The following HMGN3 variants were observed in gnomAD, a reference collection of about 807,000 sequenced individuals.
The protein encoded by HMGN3 is high mobility group nucleosome-binding domain-containing protein 3.
Under a neutral mutation model 18.8 loss-of-function variants are expected in HMGN3, and 6 were observed. The observed-to-expected ratio is 0.32, with a 90% CI of 0.18 to 0.63. The LOEUF is 0.63. Ranked by LOEUF, HMGN3 falls within the 30% of genes least tolerant of loss-of-function variation. The probability of loss-of-function intolerance (pLI) is 0.79; values close to 1 mark genes in which losing one functional copy is unlikely to be tolerated. For missense variants in HMGN3, 107 were observed against 114.2 expected, an observed-to-expected ratio of 0.94 and a Z score of 0.29; for synonymous variants, 40 against 36.5, an observed-to-expected ratio of 1.10 and a Z score of -0.35.
intron 1 of HMGN3, among the ~76,000 whole-genome samples, chr6:79,220,189 T>C (rs1777203390): frequency 6.6e-6 from 1 of 152,160 alleles, no homozygotes; most frequent in South Asian, 2.1e-4. Context: ...AAAATAAAAT[T>C]TAAAGTTACC....
intron 5 of HMGN3, chr6:79,202,108 G>A: frequency 6.5e-7 from 1 of 1,541,730 alleles, no homozygotes; most frequent in Non-Finnish European, 8.7e-7. Context: ...TGCTGGGTGG[G>A]GTGCCTCTGG....
intron 1 of HMGN3, among the ~76,000 whole-genome samples, chr6:79,218,782 CGTAT>C (rs778061585): frequency 6.6e-6 from 1 of 151,966 alleles, no homozygotes; most frequent in East Asian, 1.9e-4. Context: ...ATACTACATA[CGTAT>C]GTATGTTTTA....
intron 3 of HMGN3, among the ~76,000 whole-genome samples, chr6:79,205,749 A>C (rs528425946): frequency 2.0e-5 from 3 of 152,220 alleles, no homozygotes; most frequent in Non-Finnish European, 4.4e-5. Context: ...GAGCGCTCAG[A>C]AGAAGACAAG....
chr6:79,234,504 A>T, intron 1 of HMGN3, 42 bp downstream of exon 1: 1 of 1,600,822 alleles, frequency 6.2e-7, no homozygotes, highest in Non-Finnish European at 8.6e-7. Context: ...TACTGTAAGC[A>T]GAATTTGAAG....
intron 2 of HMGN3, among the ~76,000 whole-genome samples, chr6:79,211,798 G>A (rs577218071): frequency 1.9e-4 from 29 of 152,218 alleles, no homozygotes; most frequent in African/African-American, 7.0e-4. Context: ...TATTCTGAAA[G>A]ACATGAAATC....
chr6:79,217,810 C>G (rs754891653), intron 1 of HMGN3, among the ~76,000 whole-genome samples: 1 of 152,010 alleles, frequency 6.6e-6, no homozygotes, highest in African/African-American at 2.4e-5. Flanking sequence ...CAAGGGATTG[C>G]GAAGAATAAA....
chr6:79,228,366 A>G (rs959447257), intron 1 of HMGN3, among the ~76,000 whole-genome samples: 6 of 152,224 alleles, frequency 3.9e-5, no homozygotes, highest in Non-Finnish European at 8.8e-5. Flanking sequence ...GAATAATTAA[A>G]TGTACAGCCC....
chr6:79,229,662 G>C (rs1365078285), intron 1 of HMGN3, among the ~76,000 whole-genome samples: 2 of 152,164 alleles, frequency 1.3e-5, no homozygotes, highest in African/African-American at 2.4e-5. Context: ...CGGATCACGA[G>C]GTCAGGAGAT....
At chr6:79,234,383 G>GAT (rs2127847492) in intron 1 of HMGN3, 163 bp downstream of exon 1, 1 of 666,646 alleles carries the variant, frequency 1.5e-6, no homozygotes. Flanking sequence ...GGGGGACAGA[G>GAT]AGAGGAACGT....
intron 1 of HMGN3, among the ~76,000 whole-genome samples, chr6:79,217,863 G>C (rs191196903): frequency 4.6e-5 from 7 of 152,278 alleles, no homozygotes; most frequent in African/African-American, 1.7e-4. Flanking sequence ...GTGGATATAG[G>C]GGATCTCAGA....
chr6:79,214,855 T>A, intron 2 of HMGN3, 117 bp downstream of exon 2: 1 of 663,196 alleles, frequency 1.5e-6, no homozygotes, highest in South Asian at 1.8e-5. Flanking sequence ...ACCTTGATCA[T>A]TCATATTAAA....
intron 3 of HMGN3, among the ~76,000 whole-genome samples, chr6:79,207,312 G>A (rs142041099): frequency 6.6e-6 from 1 of 152,296 alleles, no homozygotes; most frequent in East Asian, 1.9e-4. Flanking sequence ...TGTGTCATGG[G>A]AGGAACCTGG....
At chr6:79,214,085 T>C (rs1256006341) in intron 2 of HMGN3, among the ~76,000 whole-genome samples, 1 of 152,210 alleles carries the variant, frequency 6.6e-6, no homozygotes, top group Non-Finnish European at 1.5e-5. Context: ...TTTCTGAATT[T>C]TAAAACAAAA....
chr6:79,212,253 C>G (rs928354458), intron 2 of HMGN3, among the ~76,000 whole-genome samples: 5 of 152,282 alleles, frequency 3.3e-5, no homozygotes, highest in Non-Finnish European at 2.9e-5. Flanking sequence ...CTGCTATTTA[C>G]AAGTTCTAAC....
At chr6:79,208,143 T>C (rs914794931) in intron 3 of HMGN3, among the ~76,000 whole-genome samples, 7 of 152,188 alleles carry the variant, frequency 4.6e-5, no homozygotes, top group African/African-American at 1.7e-4. Flanking sequence ...GGCTACAGTA[T>C]ATGGACTCAG....
In HMGN3 at chr6:79,201,736, A is replaced by C; in HGVS notation, c.262-10T>G. ...ATTCAGTTTTCTGTGCCTGTGAAAA[A>C]GAAAGGAAAAAAAAACATATAGTTA... On this transcript the variant is annotated splice_polypyrimidine_tract_variant and intron_variant, in intron 5 of 5. Coordinates refer to ENST00000344726, the Ensembl canonical transcript of HMGN3. The C allele has an allele frequency of 6.2e-7, 1 of 1,604,888 alleles. No homozygotes were observed. The highest frequency in any genetic ancestry group is 1.1e-5 in the South Asian group (1 of 90,030).
At chr6:79,224,439 G>C (rs1777460355) in intron 1 of HMGN3, among the ~76,000 whole-genome samples, 1 of 152,134 alleles carries the variant, frequency 6.6e-6, no homozygotes, top group Non-Finnish European at 1.5e-5. Context: ...TGAGCCTCTT[G>C]AAATAATAAC....
chr6:79,227,766 G>A (rs1301307728), intron 1 of HMGN3, among the ~76,000 whole-genome samples: 1 of 152,138 alleles, frequency 6.6e-6, no homozygotes, highest in African/African-American at 2.4e-5. Flanking sequence ...TTTTCCCACT[G>A]TATGAAATAA....
chr6:79,230,378 T>C (rs1000486589), intron 1 of HMGN3, among the ~76,000 whole-genome samples: 2 of 152,206 alleles, frequency 1.3e-5, no homozygotes, highest in African/African-American at 2.4e-5. Context: ...CTCTATACTT[T>C]ACTAAAAATC....
Sources: gnomAD v4.1 joint callset for allele counts (sites outside exome capture counted in the v4.1 genomes callset) on GRCh38, gnomAD v4.1.1 for gene constraint, MANE v1.5 for transcripts, NCBI Gene and HGNC (gene_info 2026-07-23, HGNC 2026-07-21) for gene names.